The following OPRM1 variants were observed in gnomAD, a reference collection of about 807,000 sequenced individuals.
OPRM1 encodes the protein opioid receptor mu 1, also known as mu-type opioid receptor.
In OPRM1, 27 loss-of-function variants were observed where a neutral mutation model predicts 31.8. That is an observed-to-expected ratio of 0.85 (90% CI 0.63 to 1.17). The LOEUF is 1.17. Among genes scored for constraint, OPRM1 ranks in the 50% most tolerant of loss-of-function variants. The pLI is 0.00. For synonymous variants in OPRM1, 196 were observed against 189.9 expected (o/e 1.03, Z -0.26); for missense variants, 536 against 511.1 (o/e 1.05, Z -0.47).
intron 1 of OPRM1, among the ~76,000 whole-genome samples, chr6:154,061,788 T>G (rs749185247): frequency 3.3e-5 from 5 of 149,638 alleles, no homozygotes; most frequent in Admixed American, 6.7e-5. Flanking sequence ...ACCTATGTAA[T>G]AAACCTGCAC....
At chr6:154,033,080 A>G (rs1033518689) in intron 1 of OPRM1, among the ~76,000 whole-genome samples, 4 of 152,388 alleles carry the variant, frequency 2.6e-5, no homozygotes, top group African/African-American at 7.2e-5. Context: ...GCTGGAAAAC[A>G]TCAACATTTA....
At chr6:154,177,925 G>C (rs549592405) in intron 3 of OPRM1, among the ~76,000 whole-genome samples, 2 of 152,178 alleles carry the variant, frequency 1.3e-5, no homozygotes. Flanking sequence ...TAAAGACAAT[G>C]TGTCACATAT....
At chr6:154,212,946 G>T in intron 3 of OPRM1, 1 of 868,368 alleles carries the variant, frequency 1.2e-6, no homozygotes. Context: ...TCTGGCTATT[G>T]CAATTTCAAT....
intron 3 of OPRM1, among the ~76,000 whole-genome samples, chr6:154,180,414 A>ATTTTT (rs761333730): frequency 1.2e-3 from 76 of 65,248 alleles, no homozygotes; most frequent in African/African-American, 3.3e-3. Context: ...ATATATATAT[A>ATTTTT]TTTTTTTTTT....
At chr6:154,146,154 C>T (rs1033690225) in intron 3 of OPRM1, among the ~76,000 whole-genome samples, 7 of 152,234 alleles carry the variant, frequency 4.6e-5, no homozygotes, top group East Asian at 1.9e-4. Flanking sequence ...AATCCCAACA[C>T]TTCGGGAGGC....
chr6:154,068,823 CA>C (rs1412985644), intron 1 of OPRM1, among the ~76,000 whole-genome samples: 1 of 152,176 alleles, frequency 6.6e-6, no homozygotes, highest in Non-Finnish European at 1.5e-5. Flanking sequence ...GCATTTCCAC[CA>C]ACATTGTGTG....
At chr6:154,019,373 A>G (rs969124601) in intron 1 of OPRM1, among the ~76,000 whole-genome samples, 2 of 151,932 alleles carry the variant, frequency 1.3e-5, no homozygotes, top group Non-Finnish European at 2.9e-5. Flanking sequence ...GTTACAATCA[A>G]CGAACCGAAC....
intron 3 of OPRM1, among the ~76,000 whole-genome samples, chr6:154,109,767 CCT>C (rs60360261): frequency 0.14 from 17,884 of 126,478 alleles, 1,241 homozygotes; most frequent in East Asian, 0.2. Flanking sequence ...ACTCTCTCTC[CCT>C]CTCTCTCTCT....
Position 154,222,984 on chromosome 6 carries a change from G to A in OPRM1, c.1165-23709G>A, listed in dbSNP as rs115937919. 1,099 of 605,598 alleles carry A rather than the reference G, an allele frequency of 1.8e-3. 10 individuals are homozygous for A. The highest frequency in any genetic ancestry group is 0.018 in the African/African-American group (960 of 54,062). The allele number at this position is 605,598 out of a possible 1,614,324, so 37.5% of individuals were successfully genotyped here. A position where few individuals can be genotyped will look rare whatever the true frequency, so the allele number is the denominator to read the frequency against. Reference sequence around the variant, plus strand: ...TTAAAATCCATCTGCTCCACAAAACGAAATTCCAGAAAATGAGAGGTTAAA... The same window carrying A: ...TTAAAATCCATCTGCTCCACAAAACAAAATTCCAGAAAATGAGAGGTTAAA... On this transcript the variant is annotated intron_variant, in intron 3 of 3. Transcript: ENST00000337049.
chr6:154,199,889 GA>G (rs1776926040), intron 3 of OPRM1: 1 of 1,614,064 alleles, frequency 6.2e-7, no homozygotes, highest in South Asian at 1.1e-5. Context: ...TTCAGCAGCA[GA>G]CAAACTGTTA....
intron 1 of OPRM1, among the ~76,000 whole-genome samples, chr6:154,078,035 T>C (rs1303562277): frequency 6.6e-6 from 1 of 152,224 alleles, no homozygotes; most frequent in African/African-American, 2.4e-5. Context: ...TTCATGATAA[T>C]CTTTCCTCTT....
intron 3 of OPRM1, among the ~76,000 whole-genome samples, chr6:154,237,898 T>A (rs1430296275): frequency 6.6e-6 from 1 of 152,206 alleles, no homozygotes; most frequent in Non-Finnish European, 1.5e-5. Flanking sequence ...GCACTATAAA[T>A]ATCAATTCAA....
rs576469989 is a variant in OPRM1, at chr6:154,124,959, G to A, written c.*6238G>A. Among the ~76,000 whole-genome samples the A allele has an allele frequency of 6.6e-6, 1 of 152,096 alleles. No individual in the cohort carries two copies. The highest frequency in any genetic ancestry group is 2.4e-5 in the African/African-American group (1 of 41,418). Reference sequence around the variant, plus strand: ...TAGCAATCTATTCAAAGTTGTAAAGGTTCTGTAGAATCTCTCAGACCAGGT... The same window carrying A: ...TAGCAATCTATTCAAAGTTGTAAAGATTCTGTAGAATCTCTCAGACCAGGT... On this transcript the variant is annotated 3_prime_UTR_variant, in exon 4 of 4. Coordinates refer to ENST00000330432, the MANE Select transcript of OPRM1 (RefSeq NM_000914.5).
intron 1 of OPRM1, among the ~76,000 whole-genome samples, chr6:154,069,156 T>G (rs1369973496): frequency 6.6e-6 from 1 of 152,236 alleles, no homozygotes; most frequent in Non-Finnish European, 1.5e-5. Context: ...TTGAATGTTG[T>G]CTTTTCACTC....
At chr6:154,175,978 T>C (rs1192130711) in intron 3 of OPRM1, among the ~76,000 whole-genome samples, 2 of 152,102 alleles carry the variant, frequency 1.3e-5, no homozygotes. Flanking sequence ...TCCACCACAA[T>C]CAAGTCGGCT....
At chr6:154,053,699 C>T (rs1315560616) in intron 1 of OPRM1, among the ~76,000 whole-genome samples, 1 of 152,222 alleles carries the variant, frequency 6.6e-6, no homozygotes, top group Non-Finnish European at 1.5e-5. Flanking sequence ...CCATCCATAT[C>T]TAAATGACTG....
intron 3 of OPRM1, among the ~76,000 whole-genome samples, chr6:154,153,706 CAGG>C (rs1196357951): frequency 2.7e-5 from 4 of 150,544 alleles, no homozygotes; most frequent in African/African-American, 7.3e-5. Context: ...AAAAAAGCCC[CAGG>C]AGGAGGCGAG....
chr6:154,164,211 C>A (rs964776274), intron 3 of OPRM1, among the ~76,000 whole-genome samples: 6 of 152,086 alleles, frequency 3.9e-5, no homozygotes, highest in Non-Finnish European at 8.8e-5. Context: ...ATTGGGGAAA[C>A]TGACTTTGCA....
At chr6:154,033,119 TAAGATAAACCAAA>T (rs1207145362) in intron 1 of OPRM1, among the ~76,000 whole-genome samples, 1 of 152,106 alleles carries the variant, frequency 6.6e-6, no homozygotes, top group Non-Finnish European at 1.5e-5. Context: ...AAGAAAGCAT[TAAGATAAACCAAA>T]ATAAATTGTC....
Sources: gnomAD v4.1 joint callset for allele counts (sites outside exome capture counted in the v4.1 genomes callset) on GRCh38, gnomAD v4.1.1 for gene constraint, MANE v1.5 for transcripts, NCBI Gene and HGNC (gene_info 2026-07-23, HGNC 2026-07-21) for gene names.